Variants in CC2D2A observed in about 807,000 individuals in gnomAD.
CC2D2A encodes coiled-coil and C2 domain containing 2A, also known as coiled-coil and C2 domain-containing protein 2A.
CC2D2A carries 155 observed loss-of-function variants against 212.9 expected under a neutral mutation model. The observed-to-expected ratio is 0.73, with a 90% confidence interval of 0.64 to 0.83. The LOEUF (loss-of-function observed/expected upper bound fraction) is 0.83. Ranked by LOEUF, CC2D2A falls within the 40% of genes least tolerant of loss-of-function variation. The pLI, the probability that CC2D2A is intolerant of heterozygous loss-of-function variation, is 0.00. For synonymous variants in CC2D2A, 667 were observed against 686.5 expected, an observed-to-expected ratio of 0.97 and a Z score of 0.44; for missense variants, 1,856 against 1,956.2, an observed-to-expected ratio of 0.95 and a Z score of 0.97.
chr4:15,484,294 G>C (rs1193794796), intron 4 of CC2D2A, among the ~76,000 whole-genome samples: 3 of 152,208 alleles, frequency 2.0e-5, no homozygotes, highest in Non-Finnish European at 4.4e-5. Flanking sequence ...CAGCCAGGGG[G>C]CAAGGGCAGT....
At position 15,473,581 on chromosome 4, in the gene CC2D2A, G is replaced by A. The variant is rs144866209; in HGVS notation, c.-18-2334G>A. Among the ~76,000 whole-genome samples the A allele has an allele frequency of 2.7e-3, 418 of 152,276 alleles. 2 individuals carry two copies. The highest frequency in any genetic ancestry group is 4.5e-3 in the Non-Finnish European group (305 of 68,034). ...TGTTGACAAAGGGAAATCATTGGAG[G>A]ATTTTGAGTGAAGCAATGTGATTAT... On this transcript the variant is annotated intron_variant, in intron 1 of 36. Transcript: ENST00000424120.
chr4:15,478,646 G>A lies in CC2D2A; in HGVS notation c.40-77G>A, dbSNP rs1714400291. On this transcript the variant is annotated intron_variant, in intron 2 of 36. Transcript: ENST00000424120. Reference sequence around the variant, plus strand: ...GGATAGAAGCCCAGGGTCAAGATGGGAGTTTTAATTTTAATACCTAAAAGT... The same window carrying A: ...GGATAGAAGCCCAGGGTCAAGATGGAAGTTTTAATTTTAATACCTAAAAGT... 4 of 1,064,264 alleles carry A rather than the reference G, an allele frequency of 3.8e-6. No individual in the cohort carries two copies. In the African/African-American group the frequency reaches 4.8e-5, roughly 13 times the overall value. The allele number at this position is 1,064,264 out of a possible 1,614,324, so 65.9% of individuals were successfully genotyped here.
intron 6 of CC2D2A, among the ~76,000 whole-genome samples, chr4:15,506,041 G>A (rs1340749868): frequency 6.6e-6 from 1 of 152,136 alleles, no homozygotes; most frequent in Non-Finnish European, 1.5e-5. Flanking sequence ...CCTTCTTGGA[G>A]GATACAACAA....
At position 15,537,891 on chromosome 4, in the gene CC2D2A, C is replaced by G; in HGVS notation, c.1765-8C>G. The G allele has an allele frequency of 6.3e-7, 1 of 1,584,434 alleles. No individual in the cohort carries two copies. Among genetic ancestry groups the G allele is most frequent in the Non-Finnish European group, 8.6e-7 (1 of 1,165,518 alleles). ...CTGTTTGATATCATGTTGCCTCTAA[C>G]TCAACAGAGGGCCAAGAAGAAGAAA... On this transcript the variant is annotated splice_region_variant and splice_polypyrimidine_tract_variant and intron_variant, in intron 15 of 36. Transcript: ENST00000424120.
At chr4:15,485,966 A>G (rs1157591915) in intron 4 of CC2D2A, among the ~76,000 whole-genome samples, 4 of 151,974 alleles carry the variant, frequency 2.6e-5, no homozygotes, top group African/African-American at 9.7e-5. Flanking sequence ...GTATTACTTT[A>G]TTGATTTTAT....
intron 11 of CC2D2A, among the ~76,000 whole-genome samples, chr4:15,520,089 T>C (rs917580854): frequency 6.6e-6 from 1 of 152,190 alleles, no homozygotes; most frequent in African/African-American, 2.4e-5. Context: ...CTAATTAGCT[T>C]GCAACTTTGG....
chr4:15,553,437 ATTC>A lies in CC2D2A; in HGVS notation c.2486+135_2486+137del, dbSNP rs1719109134. ...GTGCCAGTATTTTCAAGAGTTTTTT[ATTC>A]TTAAGGTAAAAACAAAAAATGTTTT... On this transcript the variant is annotated intron_variant, in intron 19 of 36. Coordinates refer to ENST00000424120, the MANE Select transcript of CC2D2A (RefSeq NM_001378615.1). The A allele has an allele frequency of 3.7e-6, 4 of 1,082,262 alleles. No homozygotes were observed. In the South Asian group the frequency reaches 6.4e-5, roughly 17 times the overall value. 67.0% of individuals were successfully genotyped at this position (1,082,262 alleles called of 1,614,324 possible).
intron 23 of CC2D2A, among the ~76,000 whole-genome samples, 183 bp downstream of exon 23, chr4:15,560,805 C>A (rs1430103727): frequency 8.5e-5 from 13 of 152,274 alleles, no homozygotes; most frequent in Admixed American, 2.6e-4. Context: ...TCTACTAGAA[C>A]AAGTCTTCCT....
Position 15,511,237 on chromosome 4 carries a change from T to G in CC2D2A, c.541-10T>G. 1 of 1,590,620 alleles carries G rather than the reference T, an allele frequency of 6.3e-7. No homozygotes were observed. The highest frequency in any genetic ancestry group is 1.8e-5 in the Admixed American group (1 of 55,318). On this transcript the variant is annotated splice_polypyrimidine_tract_variant and intron_variant, in intron 7 of 36. Coordinates refer to ENST00000424120, the MANE Select transcript of CC2D2A (RefSeq NM_001378615.1). ...ATGGGAAATTGCGATTGCTCCTTGC[T>G]TTTCGTTAGGTTCCACCTGGCTTCC...
intron 5 of CC2D2A, 68 bp downstream of exon 5, chr4:15,502,585 T>C (rs1716023856): frequency 7.4e-7 from 1 of 1,359,384 alleles, no homozygotes; most frequent in South Asian, 1.3e-5. Context: ...TCTAGCTTAC[T>C]TTTTATGCTC....
intron 17 of CC2D2A, among the ~76,000 whole-genome samples, chr4:15,546,312 G>C (rs1718708029): frequency 6.6e-6 from 1 of 152,178 alleles, no homozygotes; most frequent in African/African-American, 2.4e-5. Flanking sequence ...ATTTGCATCT[G>C]TAACTTTATC....
chr4:15,560,814 C>T (rs1719553843), intron 23 of CC2D2A, among the ~76,000 whole-genome samples, 192 bp downstream of exon 23: 1 of 152,122 alleles, frequency 6.6e-6, no homozygotes, highest in African/African-American at 2.4e-5. Context: ...ACAAGTCTTC[C>T]TAGGGCCTCT....
chr4:15,547,881 A>C (rs1462863539), intron 17 of CC2D2A, among the ~76,000 whole-genome samples: 2 of 151,966 alleles, frequency 1.3e-5, no homozygotes, highest in African/African-American at 4.8e-5. Context: ...CTCTATTAAA[A>C]ATAGAAAATT....
chr4:15,470,683 CTCTCTCTATATATATATA>C lies in CC2D2A; in HGVS notation c.-19+628_-19+645del, dbSNP rs1236292737. Among the ~76,000 whole-genome samples, 316 of 54,176 alleles carry C rather than the reference CTCTCTCTATATATATATA, an allele frequency of 5.8e-3. 1 individual carries two copies. Among genetic ancestry groups the C allele is most frequent in the Middle Eastern group, 0.019 (2 of 106 alleles). 35.5% of individuals were successfully genotyped at this position (54,176 alleles called of 152,430 possible). The stretch of plus-strand genomic sequence containing the variant: ...TCTCTCTCTCTCTCTCTCTCTCTCT[CTCTCTCTATATATATATA>C]TATATATATATATATATATATATAT... On this transcript the variant is annotated intron_variant, in intron 1 of 36. Coordinates refer to ENST00000424120, the MANE Select transcript of CC2D2A (RefSeq NM_001378615.1).
At chr4:15,476,077 T>C in intron 2 of CC2D2A, 106 bp downstream of exon 2, 1 of 911,734 alleles carries the variant, frequency 1.1e-6, no homozygotes. Context: ...CTATTGCACA[T>C]GTTAAAAGAA....
At chr4:15,508,945 C>T (rs981249296) in intron 6 of CC2D2A, among the ~76,000 whole-genome samples, 1 of 152,058 alleles carries the variant, frequency 6.6e-6, no homozygotes, top group Non-Finnish European at 1.5e-5. Context: ...TTAGATTGTG[C>T]TTCATGAAAA....
intron 15 of CC2D2A, 89 bp from the exon 16 acceptor site, chr4:15,537,810 G>C: frequency 3.7e-6 from 5 of 1,361,494 alleles, no homozygotes; most frequent in Non-Finnish European, 4.0e-6. Flanking sequence ...GCTGGGGTTT[G>C]TATCCAGGTC....
intron 11 of CC2D2A, among the ~76,000 whole-genome samples, chr4:15,517,339 T>C (rs1716943097): frequency 6.6e-6 from 1 of 152,004 alleles, no homozygotes; most frequent in Non-Finnish European, 1.5e-5. Flanking sequence ...GCTACACTTA[T>C]TTTTCTTCTT....
chr4:15,487,677 C>A (rs1174470223), intron 4 of CC2D2A, among the ~76,000 whole-genome samples: 3 of 151,994 alleles, frequency 2.0e-5, no homozygotes, highest in Admixed American at 2.0e-4. Context: ...GAGGGACTTA[C>A]TACTGCCATT....
Sources: allele counts gnomAD v4.1 joint callset (sites outside exome capture counted in the v4.1 genomes callset), GRCh38; gene constraint gnomAD v4.1.1; transcripts MANE v1.5; gene names NCBI Gene and HGNC (gene_info 2026-07-23, HGNC 2026-07-21).